TLK2: variants seen among roughly 807,000 people sequenced by gnomAD.
TLK2 encodes tousled like kinase 2, also known as serine/threonine-protein kinase tousled-like 2.
A neutral mutation model predicts 117.3 loss-of-function variants in TLK2; 6 were observed. The ratio of observed to expected loss-of-function variants is 0.05; its 90% CI spans 0.03 to 0.10. The LOEUF (loss-of-function observed/expected upper bound fraction) is 0.10, where lower values mean the gene tolerates loss of function less well. TLK2 is among the 10% of genes least tolerant of loss of function. The pLI is 1.00. For synonymous variants in TLK2, 257 were observed against 316.7 expected (o/e 0.81, Z 2.00); for missense variants, 299 against 901.2 (o/e 0.33, Z 8.56).
At chr17:62,495,739 ACC>A (rs2073602825) in intron 2 of TLK2, among the ~76,000 whole-genome samples, 1 of 150,808 alleles carries the variant, frequency 6.6e-6, no homozygotes, top group African/African-American at 2.4e-5. Flanking sequence ...GCTCACTGCA[ACC>A]TCTGCCTCCC....
At chr17:62,479,647 C>T (rs2071376894) in intron 1 of TLK2, among the ~76,000 whole-genome samples, 1 of 152,104 alleles carries the variant, frequency 6.6e-6, no homozygotes, top group African/African-American at 2.4e-5. Flanking sequence ...TTGGAGCCGG[C>T]GAGGGGCGCC....
At chr17:62,516,167 C>T (rs2075564745) in intron 2 of TLK2, among the ~76,000 whole-genome samples, 1 of 151,992 alleles carries the variant, frequency 6.6e-6, no homozygotes, top group Non-Finnish European at 1.5e-5. Context: ...TCAGGTGATC[C>T]GCTCACCTCG....
At chr17:62,572,363 A>T (rs940809814) in intron 11 of TLK2, among the ~76,000 whole-genome samples, 4 of 151,972 alleles carry the variant, frequency 2.6e-5, no homozygotes, top group African/African-American at 9.7e-5. Context: ...GTTTTTATAT[A>T]CCAAGTCTGT....
At chr17:62,518,834 A>G (rs547332694) in intron 2 of TLK2, among the ~76,000 whole-genome samples, 1 of 152,298 alleles carries the variant, frequency 6.6e-6, no homozygotes, top group South Asian at 2.1e-4. Flanking sequence ...AAAATAGGAA[A>G]AATTGCTTTT....
intron 16 of TLK2, 27 bp from the exon 17 acceptor site, chr17:62,596,558 C>G (rs1567995481): frequency 6.3e-7 from 1 of 1,579,586 alleles, no homozygotes; most frequent in Non-Finnish European, 8.7e-7. Context: ...AATATACCTT[C>G]TTGTTAATTT....
At position 62,605,155 on chromosome 17, in the gene TLK2, A is replaced by C. The variant is rs111635962; in HGVS notation, c.1860-975A>C. Among the ~76,000 whole-genome samples the C allele has an allele frequency of 2.7e-3, 412 of 151,878 alleles. 1 individual carries two copies. Among genetic ancestry groups the C allele is most frequent in the African/African-American group, 9.2e-3 (381 of 41,456 alleles). On this transcript the variant is annotated intron_variant, in intron 19 of 21. Coordinates refer to ENST00000346027, the MANE Select transcript of TLK2 (RefSeq NM_006852.6). ...ATCCTGGCTAACACGGTGAAACCCT[A>C]TCTCTACTAAAAATACAAAAAATTA... is the stretch of plus-strand genomic sequence containing the variant.
chr17:62,510,119 A>G lies in TLK2; in HGVS notation c.82-10654A>G, dbSNP rs138311662. Among the ~76,000 whole-genome samples, 379 of 152,254 alleles carry G rather than the reference A, an allele frequency of 2.5e-3. 1 individual carries two copies. The highest frequency in any genetic ancestry group is 8.4e-3 in the African/African-American group (348 of 41,544). On this transcript the variant is annotated intron_variant, in intron 2 of 21. Transcript: ENST00000346027. ...TGAAACCCCGTCTCTACATAAACAC[A>G]AAAATTAGCCAGACGTGGTGGCATG...
intron 7 of TLK2, among the ~76,000 whole-genome samples, chr17:62,538,260 C>A (rs1339005720): frequency 3.9e-5 from 6 of 152,026 alleles, no homozygotes; most frequent in African/African-American, 1.4e-4. Flanking sequence ...TGGTCTCGAT[C>A]TCCTGACCTC....
chr17:62,526,583 T>G (rs1307914955), intron 6 of TLK2, among the ~76,000 whole-genome samples: 1 of 152,200 alleles, frequency 6.6e-6, no homozygotes, highest in Non-Finnish European at 1.5e-5. Flanking sequence ...AGCTGTCTAC[T>G]TGACATTTCC....
intron 2 of TLK2, among the ~76,000 whole-genome samples, chr17:62,517,345 A>G (rs920151951): frequency 6.6e-6 from 1 of 152,180 alleles, no homozygotes; most frequent in African/African-American, 2.4e-5. Context: ...TTTAATGCCA[A>G]TACCACGATG....
At chr17:62,549,104 C>T (rs1040210574) in intron 7 of TLK2, among the ~76,000 whole-genome samples, 1 of 148,168 alleles carries the variant, frequency 6.7e-6, no homozygotes, top group Non-Finnish European at 1.5e-5. Flanking sequence ...TATAGAAACA[C>T]ATTGTAGGGC....
chr17:62,583,983 G>T (rs1214835387), intron 15 of TLK2, among the ~76,000 whole-genome samples: 3 of 152,006 alleles, frequency 2.0e-5, no homozygotes, highest in Admixed American at 1.3e-4. Flanking sequence ...TCTTAAGTCA[G>T]TGGTAGGTCA....
chr17:62,473,610 G>A (rs1043569293), intron 1 of TLK2, among the ~76,000 whole-genome samples: 3 of 152,150 alleles, frequency 2.0e-5, no homozygotes, highest in African/African-American at 7.2e-5. Flanking sequence ...TCTGGGGGTG[G>A]GGCCCAGCAA....
chr17:62,473,538 C>T (rs2070981282), intron 1 of TLK2, among the ~76,000 whole-genome samples: 2 of 152,218 alleles, frequency 1.3e-5, no homozygotes, highest in Admixed American at 6.5e-5. Context: ...CAACCAGCCT[C>T]ACCTGGAAAG....
intron 16 of TLK2, among the ~76,000 whole-genome samples, chr17:62,587,332 C>T (rs1426914492): frequency 6.6e-6 from 1 of 152,174 alleles, no homozygotes; most frequent in African/African-American, 2.4e-5. Flanking sequence ...TCAGACAAGT[C>T]CTGCCCTTGA....
chr17:62,478,244 C>A (rs569217922), upstream of TLK2, among the ~76,000 whole-genome samples: 1 of 151,732 alleles, frequency 6.6e-6, no homozygotes, highest in South Asian at 2.1e-4. Flanking sequence ...GCCGCTCACA[C>A]ATAGGATTAG....
chr17:62,497,001 G>A (rs1360705297), intron 2 of TLK2, among the ~76,000 whole-genome samples: 2 of 151,030 alleles, frequency 1.3e-5, no homozygotes, highest in Non-Finnish European at 3.0e-5. Context: ...GGACAGTGGC[G>A]AGGCCCAGCA....
At chr17:62,506,699 A>G (rs1017847819) in intron 2 of TLK2, among the ~76,000 whole-genome samples, 9 of 151,944 alleles carry the variant, frequency 5.9e-5, no homozygotes, top group Non-Finnish European at 1.2e-4. Context: ...TTTACTGTGA[A>G]TGTGCTCCAG....
At chr17:62,575,290 GT>G (rs2080694446) in intron 12 of TLK2, among the ~76,000 whole-genome samples, 1 of 152,212 alleles carries the variant, frequency 6.6e-6, no homozygotes, top group South Asian at 2.1e-4. Flanking sequence ...GGCCTCTGGG[GT>G]CTTGGAGTGA....
Sources: allele counts gnomAD v4.1 joint callset (sites outside exome capture counted in the v4.1 genomes callset), GRCh38; gene constraint gnomAD v4.1.1; transcripts MANE v1.5; gene names NCBI Gene and HGNC (gene_info 2026-07-23, HGNC 2026-07-21).